RHOU: variants seen among roughly 807,000 people sequenced by gnomAD.
RHOU encodes the protein rho-related GTP-binding protein RhoU.
In RHOU, 8 loss-of-function variants were observed where a neutral mutation model predicts 12.6. The observed-to-expected ratio is 0.64, with a 90% CI of 0.37 to 1.15. RHOU has a LOEUF of 1.15. RHOU is among the 50% of genes most tolerant of loss of function. The pLI, the probability that RHOU is intolerant of heterozygous loss-of-function variation, is 0.01. For missense variants in RHOU, 258 were observed against 347.0 expected (o/e 0.74, Z 2.04); for synonymous variants, 161 against 147.4 (o/e 1.09, Z -0.67).
chr1:228,714,888 C>T, the RHOU span, among the ~76,000 whole-genome samples: 1 of 151,674 alleles, frequency 6.6e-6, no homozygotes, highest in African/African-American at 2.4e-5. Flanking sequence ...AGACTACAGG[C>T]ACATGCCACC....
chr1:228,650,663 C>A, the RHOU span: 1 of 481,620 alleles, frequency 2.1e-6, no homozygotes, highest in Non-Finnish European at 4.0e-6. Context: ...AAACTCGTTT[C>A]ACTCGTTTCA....
At position 228,735,946 on chromosome 1, in the gene RHOU, C is replaced by T. The variant is rs3738073; in HGVS notation, c.204C>T (p.Ser68=). The part of the protein sequence containing the change: ...GAVGKTSLVV[S]YTTNGYPTEY... Reference sequence around the variant, plus strand: ...TGGGCAAGACGAGCCTGGTGGTGAGCTACACCACCAACGGCTACCCCACCG... The same window carrying T: ...TGGGCAAGACGAGCCTGGTGGTGAGTTACACCACCAACGGCTACCCCACCG... The change falls in exon 1 of 3, where the codon AGC becomes AGT. Residue 68 remains serine (S), a synonymous_variant. Transcript: ENST00000366691. This position sits in a 1 kb window ranked among gnomAD's most constrained non-coding sequence, Gnocchi z 8.1. 0.19 allele frequency: 293,012 copies of T among 1,582,138 alleles called. 28,991 individuals are homozygous for T. Among genetic ancestry groups the T allele is most frequent in the South Asian group, 0.23 (20,502 of 90,054 alleles).
At chr1:228,649,382 C>T in the RHOU span, among the ~76,000 whole-genome samples, 3 of 152,114 alleles carry the variant, frequency 2.0e-5, no homozygotes, top group African/African-American at 7.2e-5. Context: ...TATTTCTTTA[C>T]CTTTTTGATA....
In RHOU at chr1:228,745,583, A is replaced by G. The variant is rs1662815071; in HGVS notation, c.*1843A>G. 6.6e-6 allele frequency: 1 copy of G among 152,242 alleles called. No homozygotes were observed. Among genetic ancestry groups the G allele is most frequent in the African/African-American group, 2.4e-5 (1 of 41,474 alleles). The allele number at this position is 152,242 out of a possible 1,614,324, so 9.4% of individuals were successfully genotyped here. ...ACCACTAAAATACATAGACTGATTG[A>G]TTATTCAACACATTGGAATTGATGT... On this transcript the variant is annotated 3_prime_UTR_variant, in exon 3 of 3. Coordinates refer to ENST00000366691, the MANE Select transcript of RHOU (RefSeq NM_021205.6).
chr1:228,657,792 A>G, the RHOU span, among the ~76,000 whole-genome samples: 1 of 152,234 alleles, frequency 6.6e-6, no homozygotes, highest in Non-Finnish European at 1.5e-5. Flanking sequence ...TTTTAGTCTC[A>G]GTAAATTTTA....
chr1:228,668,399 C>G, the RHOU span, among the ~76,000 whole-genome samples: 1 of 152,140 alleles, frequency 6.6e-6, no homozygotes, highest in Admixed American at 6.5e-5. Flanking sequence ...ATGGATGGCC[C>G]CAAATTGCGA....
At chr1:228,684,801 A>G in the RHOU span, among the ~76,000 whole-genome samples, 1 of 152,204 alleles carries the variant, frequency 6.6e-6, no homozygotes, top group Admixed American at 6.5e-5. Context: ...CTTGCAGACC[A>G]AAAGGGAACG....
At chr1:228,651,569 A>G in the RHOU span, among the ~76,000 whole-genome samples, 1 of 152,228 alleles carries the variant, frequency 6.6e-6, no homozygotes, top group South Asian at 2.1e-4. Flanking sequence ...GATTGAAGGA[A>G]GGCCAAGCAA....
the RHOU span, among the ~76,000 whole-genome samples, chr1:228,728,241 G>A: frequency 2.0e-5 from 3 of 152,154 alleles, no homozygotes; most frequent in East Asian, 3.8e-4. Flanking sequence ...TGTTTTCCAC[G>A]TTAGCAGCGA....
chr1:228,676,133 C>T, the RHOU span, among the ~76,000 whole-genome samples: 4 of 143,888 alleles, frequency 2.8e-5, no homozygotes, highest in African/African-American at 1.0e-4. Flanking sequence ...CTGTAACCGC[C>T]CCCCCCCTTT....
intron 2 of RHOU, among the ~76,000 whole-genome samples, chr1:228,742,677 A>C (rs537288862): frequency 1.3e-5 from 2 of 152,198 alleles, no homozygotes; most frequent in South Asian, 4.1e-4. Flanking sequence ...AAGGTCCTCA[A>C]CTCCATTTCT....
the RHOU span, among the ~76,000 whole-genome samples, chr1:228,712,601 G>A: frequency 1.4e-5 from 2 of 142,168 alleles, no homozygotes; most frequent in African/African-American, 2.6e-5. Context: ...ATGGGTGGGA[G>A]TTGAACAATG....
the RHOU span, among the ~76,000 whole-genome samples, chr1:228,702,727 CA>C: frequency 6.6e-6 from 1 of 152,166 alleles, no homozygotes; most frequent in Non-Finnish European, 1.5e-5. Context: ...ATTCTGAAGT[CA>C]TTTTTTTATT....
At chr1:228,648,906 G>A in the RHOU span, among the ~76,000 whole-genome samples, 7 of 151,018 alleles carry the variant, frequency 4.6e-5, no homozygotes, top group East Asian at 1.4e-3. Flanking sequence ...CGCTCTGTTG[G>A]CCAGGCTGGA....
At chr1:228,711,339 C>T in the RHOU span, among the ~76,000 whole-genome samples, 26 of 152,208 alleles carry the variant, frequency 1.7e-4, no homozygotes, top group African/African-American at 6.3e-4. Context: ...AAAAAAGAGC[C>T]CGCATCGCCA....
chr1:228,660,553 T>C, the RHOU span, among the ~76,000 whole-genome samples: 3 of 151,834 alleles, frequency 2.0e-5, no homozygotes, highest in Non-Finnish European at 4.4e-5. Context: ...CATATGAAGA[T>C]TGATGTATAA....
the RHOU span, among the ~76,000 whole-genome samples, chr1:228,653,997 T>C: frequency 6.6e-6 from 1 of 152,240 alleles, no homozygotes; most frequent in Non-Finnish European, 1.5e-5. Context: ...GTTTTTATTA[T>C]TTGCCTGTAG....
At chr1:228,713,883 C>T in the RHOU span, among the ~76,000 whole-genome samples, 1 of 152,122 alleles carries the variant, frequency 6.6e-6, no homozygotes, top group African/African-American at 2.4e-5. Flanking sequence ...GCATACTCAG[C>T]TTGTGTCTGC....
the RHOU span, among the ~76,000 whole-genome samples, chr1:228,659,892 G>A: frequency 6.8e-6 from 1 of 147,332 alleles, no homozygotes; most frequent in Non-Finnish European, 1.5e-5. Flanking sequence ...GCTCAGGCAG[G>A]TGGATCACTT....
Sources: gnomAD v4.1 joint callset for allele counts (sites outside exome capture counted in the v4.1 genomes callset) on GRCh38, gnomAD v4.1.1 for gene constraint, Gnocchi (gnomAD v3.1) non-coding constraint, MANE v1.5 for transcripts, NCBI Gene and HGNC (gene_info 2026-07-23, HGNC 2026-07-21) for gene names.